Variants in ALKAL2 observed in about 807,000 individuals in gnomAD.
The protein encoded by ALKAL2 is AUG-alpha.
A neutral mutation model predicts 18.5 loss-of-function variants in ALKAL2; 8 were observed. That is an observed-to-expected ratio of 0.43 (90% CI 0.25 to 0.78). The LOEUF is 0.78. Among genes scored for constraint, ALKAL2 ranks in the 30% least tolerant of loss-of-function variants. ALKAL2 has a pLI of 0.22. For synonymous variants in ALKAL2, 135 were observed against 95.8 expected (o/e 1.41, Z -2.39); for missense variants, 241 against 211.2 (o/e 1.14, Z -0.88).
At chr2:287,374 G>T (rs967377830) in intron 2 of ALKAL2, 1 of 408,258 alleles carries the variant, frequency 2.4e-6, no homozygotes, top group African/African-American at 2.1e-5. Context: ...CGCAGCTCAC[G>T]CGCGCCAGAA....
At chr2:283,430 C>T (rs1572205899) in intron 4 of ALKAL2, 5 of 985,376 alleles carry the variant, frequency 5.1e-6, no homozygotes, top group South Asian at 9.4e-5. Flanking sequence ...GGGACAGACA[C>T]GAAGGCTGCA....
intron 2 of ALKAL2, 63 bp from the exon 3 acceptor site, chr2:286,406 T>A: frequency 7.6e-7 from 1 of 1,310,744 alleles, no homozygotes; most frequent in Non-Finnish European, 1.1e-6. Flanking sequence ...AATGTGATCT[T>A]AAGTGAATGT....
At chr2:287,944 G>C (rs1670585392) in intron 1 of ALKAL2, 52 bp from the exon 2 acceptor site, 6 of 1,211,478 alleles carry the variant, frequency 5.0e-6, no homozygotes, top group Non-Finnish European at 4.1e-6. Context: ...GGGGGAGGGG[G>C]ACGGAGCGCG....
intron 2 of ALKAL2, 165 bp from the exon 3 acceptor site, chr2:286,508 G>A (rs1670513400): frequency 1.7e-6 from 1 of 575,994 alleles, no homozygotes; most frequent in Non-Finnish European, 3.1e-6. Flanking sequence ...CAGTGAAGAA[G>A]ACTCAATATC....
intron 5 of ALKAL2, among the ~76,000 whole-genome samples, chr2:281,502 C>T (rs1488864084): frequency 1.3e-5 from 2 of 152,152 alleles, no homozygotes; most frequent in African/African-American, 4.8e-5. Flanking sequence ...AGCTTTTCTG[C>T]AGGGCATCAC....
intron 5 of ALKAL2, among the ~76,000 whole-genome samples, chr2:281,074 G>A (rs1670325115): frequency 6.6e-6 from 1 of 152,244 alleles, no homozygotes; most frequent in South Asian, 2.1e-4. Context: ...GTGTCTCACT[G>A]AGGTCTGCAA....
In ALKAL2 at chr2:282,284, A is replaced by C. The variant is rs181904586; in HGVS notation, c.453+827T>G. On this transcript the variant is annotated intron_variant, in intron 5 of 5. Transcript: ENST00000403610. ...CCTACCCTCATCCATTTTACATGAGAGAAACTAGAGTAACCACTATAAAAA... is the reference window on the plus strand; with the variant it reads ...CCTACCCTCATCCATTTTACATGAGCGAAACTAGAGTAACCACTATAAAAA... 3.4e-4 allele frequency among the ~76,000 whole-genome samples: 52 copies of C among 152,354 alleles called. No homozygotes were observed. The East Asian group carries it at 7.3e-3, about 21-fold the overall frequency.
In ALKAL2 at chr2:279,970, G is replaced by A. The variant is rs1440810095; in HGVS notation, c.*177C>T. The A allele has an allele frequency of 3.0e-6, 2 of 660,926 alleles. No individual in the cohort carries two copies. The highest frequency in any genetic ancestry group is 5.5e-6 in the Non-Finnish European group (2 of 365,682). The allele number at this position is 660,926 out of a possible 1,614,324, so 40.9% of individuals were successfully genotyped here. Reference sequence around the variant, plus strand: ...ACACTGTCAAGTACACTGATTTATCGAATATATATCTGCAAACTGTCAACA... The same window carrying A: ...ACACTGTCAAGTACACTGATTTATCAAATATATATCTGCAAACTGTCAACA... On this transcript the variant is annotated 3_prime_UTR_variant, in exon 6 of 6. Transcript: ENST00000403610.
chr2:285,771 A>G (rs1436294390), intron 4 of ALKAL2, among the ~76,000 whole-genome samples: 1 of 152,222 alleles, frequency 6.6e-6, no homozygotes, highest in African/African-American at 2.4e-5. Context: ...ATCCAGGTCA[A>G]TCTTATTCTT....
intron 5 of ALKAL2, among the ~76,000 whole-genome samples, chr2:280,958 G>A (rs916728757): frequency 1.3e-5 from 2 of 152,236 alleles, no homozygotes; most frequent in African/African-American, 4.8e-5. Context: ...TGTCAGGACA[G>A]AAGTGCATGT....
At position 286,214 on chromosome 2, in the gene ALKAL2, G is replaced by C; in HGVS notation, c.308-11C>G. The stretch of plus-strand genomic sequence containing the variant: ...TAAAATAAAGAGGGCCTGGAACACG[G>C]AAGAAGAAACAGATCATGAAGACTC... On this transcript the variant is annotated splice_polypyrimidine_tract_variant and intron_variant, in intron 3 of 5. Transcript: ENST00000403610. 6.2e-7 allele frequency: 1 copy of C among 1,613,608 alleles called. No homozygotes were observed. Among genetic ancestry groups the C allele is most frequent in the Non-Finnish European group, 8.5e-7 (1 of 1,179,620 alleles).
chr2:287,994 G>A lies in ALKAL2; in HGVS notation c.-58+19C>T. ...AGGGGAGGCGGGAGGAGCCGCTGGC[G>A]CTGGACCCGGCCCCTCACCTCCGCG... On this transcript the variant is annotated intron_variant, in intron 1 of 5. Transcript: ENST00000403610. 3.2e-6 allele frequency: 4 copies of A among 1,233,316 alleles called. No homozygotes were observed. The highest frequency in any genetic ancestry group is 3.4e-5 in the East Asian group (1 of 29,588). 76.4% of individuals were successfully genotyped at this position (1,233,316 alleles called of 1,614,324 possible). A position where few individuals can be genotyped will look rare whatever the true frequency, so the allele number is the denominator to read the frequency against.
At chr2:284,979 G>C (rs1670460623) in intron 4 of ALKAL2, among the ~76,000 whole-genome samples, 1 of 152,102 alleles carries the variant, frequency 6.6e-6, no homozygotes, top group Non-Finnish European at 1.5e-5. Flanking sequence ...GAAGGGTGGG[G>C]CCCAGCACCA....
intron 5 of ALKAL2, among the ~76,000 whole-genome samples, chr2:282,666 G>A (rs989656033): frequency 6.6e-6 from 1 of 152,140 alleles, no homozygotes; most frequent in Admixed American, 6.5e-5. Context: ...CATTTAAAGA[G>A]GATAGCTGTT....
chr2:283,202 G>T (rs769875369), intron 4 of ALKAL2, 27 bp from the exon 5 acceptor site: 1 of 1,592,960 alleles, frequency 6.3e-7, no homozygotes, highest in Non-Finnish European at 8.5e-7. Context: ...TCAGACTCTT[G>T]TCAGTTACTT....
chr2:283,694 T>C (rs1264309345), intron 4 of ALKAL2: 2 of 560,820 alleles, frequency 3.6e-6, no homozygotes, highest in East Asian at 1.4e-4. Flanking sequence ...CTGATACTCC[T>C]TGGTATCGTA....
At position 279,852 on chromosome 2, in the gene ALKAL2, AATG is replaced by A. The variant is rs1670278640; in HGVS notation, c.*292_*294del. 1 of 363,306 alleles carries A rather than the reference AATG, an allele frequency of 2.8e-6. No homozygotes were observed. The highest frequency in any genetic ancestry group is 5.0e-6 in the Non-Finnish European group (1 of 201,552). 22.5% of individuals were successfully genotyped at this position (363,306 alleles called of 1,614,324 possible). On this transcript the variant is annotated 3_prime_UTR_variant, in exon 6 of 6. Coordinates refer to ENST00000403610, the MANE Select transcript of ALKAL2 (RefSeq NM_001002919.3). ...AGAAATATTTTTTGCGATTTCACCT[AATG>A]AAGACAATGAAATATTCTGTGTTTT...
intron 4 of ALKAL2, chr2:283,729 G>A: frequency 3.1e-6 from 1 of 319,020 alleles, no homozygotes; most frequent in African/African-American, 2.2e-5. Context: ...CCACTATTCT[G>A]ACCGTGCTGC....
At chr2:286,563 C>G in intron 2 of ALKAL2, 1 of 502,198 alleles carries the variant, frequency 2.0e-6, no homozygotes, top group East Asian at 3.2e-5. Context: ...GCTCCTGAAG[C>G]TCCAGGATTA....
Sources: gnomAD v4.1 joint callset for allele counts (sites outside exome capture counted in the v4.1 genomes callset) on GRCh38, gnomAD v4.1.1 for gene constraint, MANE v1.5 for transcripts, NCBI Gene and HGNC (gene_info 2026-07-23, HGNC 2026-07-21) for gene names.